SHISA6: variants seen among roughly 807,000 people sequenced by gnomAD.
SHISA6 encodes the protein protein shisa-6.
In SHISA6, 22 loss-of-function variants were observed where a neutral mutation model predicts 47.9. That is an observed-to-expected ratio of 0.46 (90% CI 0.33 to 0.66). SHISA6 has a LOEUF of 0.66. SHISA6 is among the 30% of genes least tolerant of loss of function. The pLI is 0.02. For missense variants in SHISA6, 680 were observed against 764.6 expected, an observed-to-expected ratio of 0.89 and a Z score of 1.30; for synonymous variants, 388 against 337.8, an observed-to-expected ratio of 1.15 and a Z score of -1.63.
At chr17:11,252,652 G>T (rs8066664) in intron 1 of SHISA6, among the ~76,000 whole-genome samples, 3,249 of 152,250 alleles carry the variant, frequency 0.021, 123 homozygotes, top group African/African-American at 0.075. Context: ...CGCCAGGGGA[G>T]TTTTCCCCAC....
chr17:11,525,388 A>C (rs2142366142), intron 3 of SHISA6, among the ~76,000 whole-genome samples: 1 of 152,224 alleles, frequency 6.6e-6, no homozygotes, highest in Admixed American at 6.5e-5. Flanking sequence ...TAATCCCAGC[A>C]CTTTGGGAGG....
At chr17:11,521,198 A>T (rs1318997364) in intron 3 of SHISA6, among the ~76,000 whole-genome samples, 1 of 152,258 alleles carries the variant, frequency 6.6e-6, no homozygotes, top group Non-Finnish European at 1.5e-5. Context: ...GATCTTAAAC[A>T]CTATTAACCA....
At chr17:11,310,441 A>G (rs777339673) in intron 2 of SHISA6, among the ~76,000 whole-genome samples, 26 of 152,166 alleles carry the variant, frequency 1.7e-4, no homozygotes, top group Non-Finnish European at 3.1e-4. Context: ...GAGAATGACA[A>G]AGCCAGAGAA....
At chr17:11,256,390 G>A (rs1398389836) in intron 1 of SHISA6, among the ~76,000 whole-genome samples, 1 of 152,188 alleles carries the variant, frequency 6.6e-6, no homozygotes, top group African/African-American at 2.4e-5. Flanking sequence ...CAGCTACTCG[G>A]GAAGCTGAGG....
intron 1 of SHISA6, among the ~76,000 whole-genome samples, chr17:11,245,194 C>T (rs961432442): frequency 1.3e-5 from 2 of 152,204 alleles, no homozygotes; most frequent in Non-Finnish European, 2.9e-5. Flanking sequence ...AGCTGGACTC[C>T]GTGGAGGAGG....
At chr17:11,421,664 A>T (rs371376232) in intron 3 of SHISA6, among the ~76,000 whole-genome samples, 5 of 152,238 alleles carry the variant, frequency 3.3e-5, no homozygotes, top group African/African-American at 1.2e-4. Context: ...TTTGCCTCAG[A>T]GGCCTTCTGT....
intron 2 of SHISA6, among the ~76,000 whole-genome samples, chr17:11,350,078 G>A (rs1030150871): frequency 7.3e-5 from 11 of 151,284 alleles, no homozygotes; most frequent in South Asian, 4.2e-4. Flanking sequence ...TGTTGAACCC[G>A]CCTCCCAGGT....
intron 2 of SHISA6, among the ~76,000 whole-genome samples, chr17:11,299,246 A>G (rs1046465177): frequency 2.0e-5 from 3 of 152,190 alleles, no homozygotes; most frequent in African/African-American, 7.2e-5. Flanking sequence ...GAATAATCAT[A>G]GCTAATATTT....
chr17:11,428,979 T>C (rs1355323815), intron 3 of SHISA6, among the ~76,000 whole-genome samples: 1 of 147,064 alleles, frequency 6.8e-6, no homozygotes, highest in African/African-American at 2.5e-5. Context: ...AGAAACGGTG[T>C]TTCACCATGT....
intron 2 of SHISA6, among the ~76,000 whole-genome samples, chr17:11,307,337 A>G (rs1910156968): frequency 6.6e-6 from 1 of 152,110 alleles, no homozygotes; most frequent in Admixed American, 6.5e-5. Context: ...TGCTCCATGC[A>G]TTAGCTTGGG....
chr17:11,553,102 G>A (rs2071945093), intron 4 of SHISA6, among the ~76,000 whole-genome samples: 1 of 152,212 alleles, frequency 6.6e-6, no homozygotes, highest in Non-Finnish European at 1.5e-5. Context: ...ATGGGGGATG[G>A]AGTTGTCAGT....
intron 3 of SHISA6, among the ~76,000 whole-genome samples, chr17:11,506,292 T>G (rs2071498534): frequency 6.6e-6 from 1 of 152,122 alleles, no homozygotes; most frequent in Non-Finnish European, 1.5e-5. Context: ...TACTTCCTCT[T>G]TTTCTCTCTC....
At chr17:11,522,206 C>T (rs957661646) in intron 3 of SHISA6, among the ~76,000 whole-genome samples, 1 of 152,046 alleles carries the variant, frequency 6.6e-6, no homozygotes, top group South Asian at 2.1e-4. Flanking sequence ...ACCTAGTGAT[C>T]CACCCGCCTC....
At chr17:11,420,041 T>A (rs1914407919) in intron 3 of SHISA6, among the ~76,000 whole-genome samples, 1 of 152,064 alleles carries the variant, frequency 6.6e-6, no homozygotes, top group Admixed American at 6.5e-5. Flanking sequence ...CTGTCTCTAC[T>A]AAAAATACAA....
At chr17:11,394,486 C>A (rs1913497800) in intron 3 of SHISA6, among the ~76,000 whole-genome samples, 1 of 152,126 alleles carries the variant, frequency 6.6e-6, no homozygotes, top group South Asian at 2.1e-4. Context: ...AACCTATTAC[C>A]ACTCAATCAT....
chr17:11,430,184 C>T (rs1914713858), intron 3 of SHISA6, among the ~76,000 whole-genome samples: 2 of 152,142 alleles, frequency 1.3e-5, no homozygotes, highest in African/African-American at 4.8e-5. Context: ...TTCTTTCCAT[C>T]GATTTTAGTC....
At chr17:11,383,822 G>T (rs1158076848) in intron 3 of SHISA6, among the ~76,000 whole-genome samples, 1 of 152,064 alleles carries the variant, frequency 6.6e-6, no homozygotes, top group African/African-American at 2.4e-5. Context: ...TGATCTGAAT[G>T]ACCATGAGTT....
In SHISA6 at chr17:11,560,850, A is replaced by T. The variant is rs903733858; in HGVS notation, c.*2546A>T. 5.6e-5 allele frequency: 8 copies of T among 143,268 alleles called. No individual in the cohort carries two copies. The highest frequency in any genetic ancestry group is 2.0e-4 in the African/African-American group (8 of 39,122). 8.9% of individuals were successfully genotyped at this position (143,268 alleles called of 1,614,324 possible). On this transcript the variant is annotated 3_prime_UTR_variant, in exon 6 of 6. Transcript: ENST00000441885. ...AGTTGGGTTGGAAAATTCTACTGCAATGCTTACTTCTTTTCAAGGATTTCT... is the reference window on the plus strand; with the variant it reads ...AGTTGGGTTGGAAAATTCTACTGCATTGCTTACTTCTTTTCAAGGATTTCT...
intron 3 of SHISA6, among the ~76,000 whole-genome samples, chr17:11,512,750 G>T (rs2071551614): frequency 6.6e-6 from 1 of 152,008 alleles, no homozygotes; most frequent in Non-Finnish European, 1.5e-5. Context: ...ATATAATTAA[G>T]AGAGTGTTAT....
Sources: allele counts gnomAD v4.1 joint callset (sites outside exome capture counted in the v4.1 genomes callset), GRCh38; gene constraint gnomAD v4.1.1; transcripts MANE v1.5; gene names NCBI Gene and HGNC (gene_info 2026-07-23, HGNC 2026-07-21).